CDK12: variants seen among roughly 807,000 people sequenced by gnomAD.
The protein encoded by CDK12 is cyclin dependent kinase 12.
In CDK12, 17 loss-of-function variants were observed where a neutral mutation model predicts 133.8. The observed-to-expected ratio is 0.13, with a 90% confidence interval of 0.09 to 0.19. The LOEUF is 0.19. Ranked by LOEUF, CDK12 falls within the 10% of genes least tolerant of loss-of-function variation. The pLI is 1.00. For synonymous variants in CDK12, 694 were observed against 683.6 expected (o/e 1.02, Z -0.24); for missense variants, 1,508 against 1,818.7 (o/e 0.83, Z 3.11).
Position 39,492,881 on chromosome 17 carries a change from A to G in CDK12, c.2239A>G (p.Lys747Glu). The G allele has an allele frequency of 6.2e-7, 1 of 1,603,968 alleles. No homozygotes were observed. Among genetic ancestry groups the G allele is most frequent in the Non-Finnish European group, 8.5e-7 (1 of 1,177,114 alleles). Reference protein sequence around the residue: ...TYGQVYKAKDKDTGELVALKK... With the variant: ...TYGQVYKAKDEDTGELVALKK... ...TGGCCAAGTATATAAAGCCAAGGAC[A>G]AAGACACAGGTAAATATTGCCACAA... The change falls in exon 4 of 14, where the codon AAA (lysine) becomes GAA (glutamate). Residue 747 changes from lysine (K) to glutamate (E), a missense_variant. By Grantham distance (56) the Lys-to-Glu change is moderately conservative. Coordinates refer to ENST00000447079, the MANE Select transcript of CDK12 (RefSeq NM_016507.4).
chr17:39,529,555 A>AG (rs1267787184), intron 13 of CDK12, among the ~76,000 whole-genome samples: 1 of 152,170 alleles, frequency 6.6e-6, no homozygotes, highest in South Asian at 2.1e-4. Context: ...AATTTTCTAA[A>AG]GGCATTGTTC....
chr17:39,478,914 T>C (rs866781337), intron 2 of CDK12, among the ~76,000 whole-genome samples: 1 of 152,166 alleles, frequency 6.6e-6, no homozygotes, highest in Non-Finnish European at 1.5e-5. Context: ...TGTATGTGTG[T>C]GTGTGCTGCT....
intron 6 of CDK12, among the ~76,000 whole-genome samples, chr17:39,507,332 A>T (rs999381532): frequency 1.3e-5 from 2 of 151,698 alleles, no homozygotes; most frequent in Admixed American, 6.6e-5. Flanking sequence ...CATGCCTGTA[A>T]TCCCAGCACT....
At position 39,498,503 on chromosome 17, in the gene CDK12, G is replaced by A. The variant is rs138623635; in HGVS notation, c.2420-2747G>A. Among the ~76,000 whole-genome samples, 270 of 152,132 alleles carry A rather than the reference G, an allele frequency of 1.8e-3. 3 individuals are homozygous for A. In the East Asian group the frequency reaches 0.02, roughly 11 times the overall value. On this transcript the variant is annotated intron_variant, in intron 5 of 13. Coordinates refer to ENST00000447079, the MANE Select transcript of CDK12 (RefSeq NM_016507.4). ...CTCCCAAAGTGCTGGGATTACAGGC[G>A]TGAGCCGCCGCGCCCGGCCATCCTT...
chr17:39,516,194 G>T (rs937089485), intron 9 of CDK12, among the ~76,000 whole-genome samples: 3 of 152,038 alleles, frequency 2.0e-5, no homozygotes, highest in Non-Finnish European at 4.4e-5. Flanking sequence ...CGCCTTCAAA[G>T]AATTCAGAGT....
At chr17:39,485,272 A>T (rs2051026693) in intron 2 of CDK12, among the ~76,000 whole-genome samples, 1 of 152,186 alleles carries the variant, frequency 6.6e-6, no homozygotes, top group East Asian at 1.9e-4. Flanking sequence ...TAAAGTAAAC[A>T]TTGGAGAAAA....
At chr17:39,492,123 G>C (rs1353339422) in intron 3 of CDK12, among the ~76,000 whole-genome samples, 1 of 144,154 alleles carries the variant, frequency 6.9e-6, no homozygotes, top group Non-Finnish European at 1.5e-5. Context: ...TTGAGTCGGA[G>C]TCTCGCTCTG....
rs1358418855 is a variant in CDK12 at position 39,470,987 on chromosome 17, A to G, written c.1155A>G (p.Ser385=). The G allele has an allele frequency of 4.3e-6, 7 of 1,613,202 alleles. No individual in the cohort carries two copies. The Admixed American group carries it at 1.2e-4, about 27-fold the overall frequency. ...CACGCAGTCGTCATTCCAGTATCTCACCTGTCAGGCTTCCACTTAATTCCA... is the reference window on the plus strand; with the variant it reads ...CACGCAGTCGTCATTCCAGTATCTCGCCTGTCAGGCTTCCACTTAATTCCA... The part of the protein sequence containing the change: ...SSSRSRHSSI[S]PVRLPLNSSL... Residue 385 remains serine (S), a synonymous_variant, in exon 2 of 14, where the codon TCA becomes TCG. Coordinates refer to ENST00000447079, the MANE Select transcript of CDK12 (RefSeq NM_016507.4).
chr17:39,539,951 GC>G (rs2046434818), intron 1 of CDK12, among the ~76,000 whole-genome samples: 1 of 152,188 alleles, frequency 6.6e-6, no homozygotes, highest in African/African-American at 2.4e-5. Context: ...AGTTGGAGGA[GC>G]AATCTCATTG....
intron 4 of CDK12, 122 bp downstream of exon 4, chr17:39,493,012 T>TG (rs2051761351): frequency 1.2e-6 from 1 of 856,450 alleles, no homozygotes; most frequent in African/African-American, 1.7e-5. Context: ...TTTGTTTGTT[T>TG]TTTGAGATGG....
chr17:39,531,015 G>T lies in CDK12; in HGVS notation c.4172G>T (p.Gly1391Val), dbSNP rs759855356. The change falls in exon 14 of 14, where the codon GGC (glycine) becomes GTC (valine). Residue 1391 changes from glycine (G) to valine (V), a missense_variant. By Grantham distance (109) the Gly-to-Val change is moderately radical. Transcript: ENST00000447079. ...CTTGGGGAGTCCAGCAGTTACCAGGGCACAGGGTCAGTGCAGTTTCCAGGG... is the reference window on the plus strand; with the variant it reads ...CTTGGGGAGTCCAGCAGTTACCAGGTCACAGGGTCAGTGCAGTTTCCAGGG... ...SHLGESSSYQ[G>V]TGSVQFPGDQ... The T allele has an allele frequency of 3.1e-6, 5 of 1,614,080 alleles. No individual in the cohort carries two copies. Among genetic ancestry groups the T allele is most frequent in the Non-Finnish European group, 3.4e-6 (4 of 1,180,034 alleles).
At chr17:39,553,470 TC>T (rs2056033846) in intron 2 of CDK12, among the ~76,000 whole-genome samples, 1 of 152,098 alleles carries the variant, frequency 6.6e-6, no homozygotes, top group South Asian at 2.1e-4. Flanking sequence ...TCTTACCCCA[TC>T]CTCTCCTGCT....
rs762953806 is a variant in CDK12 at position 39,510,114 on chromosome 17, C to CTTTT, written c.2666+372_2666+375dup. ...ACCGCACCTGGGCAACAATCTCTCT[C>CTTTT]TTTTTTTTTTTTTTTTTTTTTTGAA... On this transcript the variant is annotated intron_variant, in intron 7 of 13. Coordinates refer to ENST00000447079, the MANE Select transcript of CDK12 (RefSeq NM_016507.4). Among the ~76,000 whole-genome samples, 754 of 125,432 alleles carry CTTTT rather than the reference C, an allele frequency of 6.0e-3. 18 individuals carry two copies. Among genetic ancestry groups the CTTTT allele is most frequent in the African/African-American group, 0.022 (669 of 30,946 alleles). 82.3% of individuals were successfully genotyped at this position (125,432 alleles called of 152,430 possible).
intron 2 of CDK12, among the ~76,000 whole-genome samples, chr17:39,554,893 C>CAAA (rs11367982): frequency 1.0e-4 from 9 of 87,330 alleles, no homozygotes; most frequent in Non-Finnish European, 1.6e-4. Context: ...GACTCCGTCT[C>CAAA]AAAAAAAAAA....
At position 39,551,406 on chromosome 17, in the gene CDK12, A is replaced by G. The variant is rs573858415; in HGVS notation, n.356+264A>G. ...CTATGGAATTTTACCATGTCTTATA[A>G]GATCTACAGGGAAGGAAATGCATTA... On this transcript the variant is annotated intron_variant and non_coding_transcript_variant, in intron 2 of 3. Transcript: ENST00000558240. Among the ~76,000 whole-genome samples the G allele has an allele frequency of 1.4e-3, 217 of 152,284 alleles. 9 individuals carry two copies. In the South Asian group the frequency reaches 0.042, roughly 29 times the overall value.
At chr17:39,541,223 G>C (rs1027200312) in intron 1 of CDK12, among the ~76,000 whole-genome samples, 2 of 147,586 alleles carry the variant, frequency 1.4e-5, no homozygotes, top group Non-Finnish European at 3.0e-5. Flanking sequence ...TAAGTCTGGG[G>C]GGTGGGGAGG....
intron 9 of CDK12, among the ~76,000 whole-genome samples, chr17:39,516,304 TTTG>T (rs2146479049): frequency 6.6e-6 from 1 of 152,204 alleles, no homozygotes; most frequent in South Asian, 2.1e-4. Flanking sequence ...TGGGTTTGTT[TTTG>T]TTTTGTTTTT....
chr17:39,498,784 C>G (rs2052342992), intron 5 of CDK12, among the ~76,000 whole-genome samples: 1 of 152,078 alleles, frequency 6.6e-6, no homozygotes, highest in Non-Finnish European at 1.5e-5. Context: ...CTCAGCCCCT[C>G]ACAATGTGGG....
intron 11 of CDK12, among the ~76,000 whole-genome samples, chr17:39,524,444 C>A (rs887087073): frequency 1.3e-5 from 2 of 152,108 alleles, no homozygotes; most frequent in South Asian, 2.1e-4. Flanking sequence ...TTAGCAAGAT[C>A]CTCCTTTCTC....
Sources: allele counts gnomAD v4.1 joint callset (sites outside exome capture counted in the v4.1 genomes callset), GRCh38; gene constraint gnomAD v4.1.1; transcripts MANE v1.5; gene names NCBI Gene and HGNC (gene_info 2026-07-23, HGNC 2026-07-21).